XKR5: variants seen among roughly 807,000 people sequenced by gnomAD.
XKR5 encodes XK-related protein 5.
A neutral mutation model predicts 40.8 loss-of-function variants in XKR5; 46 were observed. The ratio of observed to expected loss-of-function variants is 1.13; its 90% CI spans 0.89 to 1.44. The LOEUF is 1.44. Ranked by LOEUF, XKR5 falls within the 40% of genes most tolerant of loss-of-function variation. The pLI is 0.00. For missense variants in XKR5, 1,169 were observed against 844.7 expected (o/e 1.38, Z -4.76); for synonymous variants, 466 against 356.1 (o/e 1.31, Z -3.48).
At chr8:6,814,643 A>G (rs1803879087) in intron 6 of XKR5, among the ~76,000 whole-genome samples, 1 of 152,190 alleles carries the variant, frequency 6.6e-6, no homozygotes, top group African/African-American at 2.4e-5. Flanking sequence ...GGAGCTCTGT[A>G]TTATTTCTTA....
rs563200460 is a variant in XKR5, at chr8:6,829,665, G to C, written c.242+3052C>G. On this transcript the variant is annotated intron_variant, in intron 2 of 6. Coordinates refer to ENST00000618742, the MANE Select transcript of XKR5 (RefSeq NM_207411.5). The stretch of plus-strand genomic sequence containing the variant: ...TGAGTAGGTGGCATTACAGGTGTGC[G>C]TGACCACGCCTGGCTAATTTGTCTA... Among the ~76,000 whole-genome samples, 3 of 152,054 alleles carry C rather than the reference G, an allele frequency of 2.0e-5. No individual in the cohort carries two copies. The South Asian group carries it at 6.2e-4, about 32-fold the overall frequency.
In XKR5 at chr8:6,810,394, A is replaced by G. The variant is rs1803626250; in HGVS notation, c.*804T>C. ...TCTCACATTGAATGGAAGTGGGAAC[A>G]AAGCTTGGACATAAAGGAGATGGGG... On this transcript the variant is annotated 3_prime_UTR_variant, in exon 7 of 7. Coordinates refer to ENST00000618742, the MANE Select transcript of XKR5 (RefSeq NM_207411.5). The G allele has an allele frequency of 6.6e-6, 1 of 152,266 alleles. No individual in the cohort carries two copies. Among genetic ancestry groups the G allele is most frequent in the Admixed American group, 6.5e-5 (1 of 15,272 alleles). 9.4% of individuals were successfully genotyped at this position (152,266 alleles called of 1,614,324 possible). A position where few individuals can be genotyped will look rare whatever the true frequency, so the allele number is the denominator to read the frequency against.
chr8:6,823,698 A>G lies in XKR5; in HGVS notation c.460T>C (p.Ser154Pro). ...CGAGTGTAGGACACCAGTGCCCAGG[A>G]GAGTGAGGACCAGGAAAACAGGGTG... ...VSTLFSWSSL[S>P]WALVSYTRFM... is the part of the protein sequence containing the mutation. The change falls in exon 4 of 7, where the codon TCC becomes CCC. Residue 154 changes from serine (S) to proline (P), a missense_variant. Physicochemically the swap from Ser to Pro is moderately conservative, Grantham distance 74 (BLOSUM62 -1). Transcript: ENST00000618742. 6.3e-7 allele frequency: 1 copy of G among 1,588,016 alleles called. No individual in the cohort carries two copies. Among genetic ancestry groups the G allele is most frequent in the Non-Finnish European group, 8.6e-7 (1 of 1,167,258 alleles).
intron 2 of XKR5, among the ~76,000 whole-genome samples, chr8:6,830,322 T>C (rs1031835629): frequency 6.6e-6 from 1 of 152,198 alleles, no homozygotes; most frequent in African/African-American, 2.4e-5. Flanking sequence ...GAAAGCTGGA[T>C]TGCCTCACTA....
intron 2 of XKR5, among the ~76,000 whole-genome samples, chr8:6,830,897 T>G (rs1804736587): frequency 6.6e-6 from 1 of 152,146 alleles, no homozygotes; most frequent in Non-Finnish European, 1.5e-5. Flanking sequence ...CAGCATGAAT[T>G]TGGACACACC....
At chr8:6,829,119 C>G (rs1362938763) in intron 2 of XKR5, 3 of 160,014 alleles carry the variant, frequency 1.9e-5, no homozygotes, top group African/African-American at 7.2e-5. Context: ...ATTTTATATA[C>G]TTTTAAATAT....
chr8:6,816,509 C>G (rs1803963592), intron 5 of XKR5, among the ~76,000 whole-genome samples: 1 of 152,004 alleles, frequency 6.6e-6, no homozygotes, highest in South Asian at 2.1e-4. Flanking sequence ...TCTTTGTACG[C>G]CCATCTGGGT....
Position 6,825,191 on chromosome 8 carries a change from G to T in XKR5, c.401C>A (p.Ala134Asp). 6.2e-7 allele frequency: 1 copy of T among 1,613,526 alleles called. No individual in the cohort carries two copies. ...TGGCACAATATCTGTGAAGTCTGAG[G>T]CTAGAAAAACATATGTCTGAAGCAG... Reference protein sequence around the residue: ...HLLLQTYVFLASDFTDIVPGV... With the variant: ...HLLLQTYVFLDSDFTDIVPGV... The change falls in exon 3 of 7, where the codon GCC becomes GAC. Residue 134 changes from alanine to aspartate, a missense_variant. Ala to Asp is a moderately radical substitution (Grantham distance 126, BLOSUM62 -2). Transcript: ENST00000618742.
intron 2 of XKR5, among the ~76,000 whole-genome samples, chr8:6,830,700 A>G (rs1804727489): frequency 1.3e-5 from 2 of 152,214 alleles, no homozygotes; most frequent in African/African-American, 4.8e-5. Context: ...AAGAATAAAT[A>G]TATATGACTA....
chr8:6,831,246 G>A (rs933416284), intron 2 of XKR5, among the ~76,000 whole-genome samples: 4 of 152,198 alleles, frequency 2.6e-5, no homozygotes, highest in African/African-American at 9.7e-5. Context: ...CTGACCCTAT[G>A]AGGCCCTCCG....
Position 6,811,047 on chromosome 8 carries a change from T to C in XKR5, c.*151A>G. 1 of 688,378 alleles carries C rather than the reference T, an allele frequency of 1.5e-6. No individual in the cohort carries two copies. The highest frequency in any genetic ancestry group is 3.8e-5 in the East Asian group (1 of 26,586). The allele number at this position is 688,378 out of a possible 1,614,324, so 42.6% of individuals were successfully genotyped here. A position where few individuals can be genotyped will look rare whatever the true frequency, so the allele number is the denominator to read the frequency against. On this transcript the variant is annotated 3_prime_UTR_variant, in exon 7 of 7. Transcript: ENST00000618742. ...GGACCTGCAAAATCATCCAGCCCTG[T>C]TTCTTCATTTTTCAGGGATGCAGAT... is the stretch of plus-strand genomic sequence containing the variant.
intron 6 of XKR5, among the ~76,000 whole-genome samples, chr8:6,814,568 C>T (rs890494223): frequency 6.6e-6 from 1 of 152,140 alleles, no homozygotes; most frequent in Non-Finnish European, 1.5e-5. Flanking sequence ...GAGATCCTGG[C>T]TGTGATGTTG....
intron 1 of XKR5, among the ~76,000 whole-genome samples, chr8:6,834,719 C>A (rs906873434): frequency 6.6e-6 from 1 of 152,214 alleles, no homozygotes; most frequent in Non-Finnish European, 1.5e-5. Flanking sequence ...CCGCAGGGAG[C>A]CCGGCGGAAG....
chr8:6,825,609 C>G (rs527695536), intron 2 of XKR5, among the ~76,000 whole-genome samples: 7 of 151,926 alleles, frequency 4.6e-5, no homozygotes, highest in Non-Finnish European at 8.8e-5. Flanking sequence ...CCTGGGGGCT[C>G]TTTGAGCTGG....
chr8:6,825,446 A>G, intron 2 of XKR5, 97 bp from the exon 3 acceptor site: 1 of 1,268,140 alleles, frequency 7.9e-7, no homozygotes. Context: ...GCTAAGCAAT[A>G]TCCTATGCCC....
rs565838757 is a variant in XKR5 at position 6,818,802 on chromosome 8, C to T, written c.808-2884G>A. On this transcript the variant is annotated intron_variant, in intron 5 of 6. Transcript: ENST00000618742. The stretch of plus-strand genomic sequence containing the variant: ...CAGCTGCACTGGAGGCCCCCAGCCC[C>T]CAGCCCCTGCCAGACCGTTCCAGCA... Among the ~76,000 whole-genome samples, 15 of 152,350 alleles carry T rather than the reference C, an allele frequency of 9.8e-5. No individual in the cohort carries two copies. In the South Asian group the frequency reaches 3.1e-3, roughly 32 times the overall value.
chr8:6,832,949 G>T (rs1015495658), intron 1 of XKR5, 49 bp from the exon 2 acceptor site: 63 of 1,450,466 alleles, frequency 4.3e-5, no homozygotes, highest in Non-Finnish European at 5.5e-5. Flanking sequence ...GCTGGAGTGA[G>T]ACTGGGTACC....
chr8:6,821,994 T>A lies in XKR5; in HGVS notation c.682A>T (p.Ser228Cys), dbSNP rs780799669. The stretch of plus-strand genomic sequence containing the variant: ...TGGCAGGTGCTGTCGATGATGTCAC[T>A]CTGCTGGGCGACAAGCCAGAATGTC... Reference protein sequence around the residue: ...VMTFWLVAQQSDIIDSTCHWR... With the variant: ...VMTFWLVAQQCDIIDSTCHWR... Residue 228 changes from serine to cysteine, a missense_variant, in exon 5 of 7, where the codon AGT becomes TGT. Physicochemically the swap from Ser to Cys is moderately radical, Grantham distance 112. Transcript: ENST00000618742. 3 of 1,605,856 alleles carry A rather than the reference T, an allele frequency of 1.9e-6. No homozygotes were observed. The highest frequency in any genetic ancestry group is 1.6e-4 in the Middle Eastern group (1 of 6,078).
intron 6 of XKR5, 66 bp downstream of exon 6, chr8:6,815,740 GC>G: frequency 9.0e-7 from 1 of 1,116,112 alleles, no homozygotes; most frequent in Non-Finnish European, 1.3e-6. Context: ...TACCCTTTGA[GC>G]CCATTGTAAA....
Sources: allele counts gnomAD v4.1 joint callset (sites outside exome capture counted in the v4.1 genomes callset), GRCh38; gene constraint gnomAD v4.1.1; transcripts MANE v1.5; gene names NCBI Gene and HGNC (gene_info 2026-07-23, HGNC 2026-07-21).